The following CMSS1 variants were observed in gnomAD, a reference collection of about 807,000 sequenced individuals.
CMSS1 encodes the protein protein CMSS1.
A neutral mutation model predicts 43.5 loss-of-function variants in CMSS1; 33 were observed. The observed-to-expected ratio is 0.76, with a 90% CI of 0.57 to 1.01. The LOEUF is 1.01. Among genes scored for constraint, CMSS1 ranks in the 50% least tolerant of loss-of-function variants. The pLI, the probability that CMSS1 is intolerant of heterozygous loss-of-function variation, is 0.00. For synonymous variants in CMSS1, 115 were observed against 117.2 expected, an observed-to-expected ratio of 0.98 and a Z score of 0.12; for missense variants, 313 against 326.4, an observed-to-expected ratio of 0.96 and a Z score of 0.32.
intron 9 of CMSS1, among the ~76,000 whole-genome samples, chr3:100,176,778 G>A (rs189809124): frequency 4.9e-4 from 75 of 152,198 alleles, no homozygotes; most frequent in African/African-American, 1.5e-3. Flanking sequence ...CTTTTGGCTC[G>A]GGTTAGGGGA....
intron 1 of CMSS1, among the ~76,000 whole-genome samples, chr3:100,025,017 C>T (rs887103482): frequency 6.6e-6 from 1 of 152,174 alleles, no homozygotes; most frequent in Non-Finnish European, 1.5e-5. Flanking sequence ...TTGATGCTTA[C>T]TTTACCCATA....
At chr3:100,048,711 G>T (rs1014995362) in intron 1 of CMSS1, among the ~76,000 whole-genome samples, 13 of 152,134 alleles carry the variant, frequency 8.5e-5, no homozygotes, top group Non-Finnish European at 1.9e-4. Flanking sequence ...TCAAGTCCAG[G>T]TGGGTTTTAT....
intron 1 of CMSS1, among the ~76,000 whole-genome samples, chr3:99,887,194 G>A (rs187569240): frequency 6.6e-6 from 1 of 152,062 alleles, no homozygotes; most frequent in African/African-American, 2.4e-5. Flanking sequence ...TTGAACCCAG[G>A]AGGAGGAGGT....
rs898751576 is a variant in CMSS1 at position 99,862,168 on chromosome 3, A to G, written c.64+44125A>G. On this transcript the variant is annotated intron_variant, in intron 1 of 9. Transcript: ENST00000421999. Reference sequence around the variant, plus strand: ...GCCATTCCACAATATCTAGATATATAAAAACATCATGTTATAGGCCCTAAA... The same window carrying G: ...GCCATTCCACAATATCTAGATATATGAAAACATCATGTTATAGGCCCTAAA... Among the ~76,000 whole-genome samples, 7 of 152,316 alleles carry G rather than the reference A, an allele frequency of 4.6e-5. No homozygotes were observed. The South Asian group carries it at 6.2e-4, about 14-fold the overall frequency.
intron 1 of CMSS1, among the ~76,000 whole-genome samples, chr3:99,831,175 G>A (rs1406224762): frequency 1.3e-5 from 2 of 152,218 alleles, no homozygotes; most frequent in Non-Finnish European, 2.9e-5. Flanking sequence ...ACAGTTAAAT[G>A]AATAGGATGT....
chr3:99,867,755 T>TGA (rs1447107478), intron 1 of CMSS1, among the ~76,000 whole-genome samples: 25 of 152,126 alleles, frequency 1.6e-4, no homozygotes, highest in Non-Finnish European at 5.9e-5. Context: ...TATAACACTG[T>TGA]ATACAAATTC....
chr3:99,911,344 A>T (rs1241829245), intron 1 of CMSS1, among the ~76,000 whole-genome samples: 2 of 149,220 alleles, frequency 1.3e-5, no homozygotes, highest in Non-Finnish European at 3.0e-5. Flanking sequence ...ATATGTTATT[A>T]TAACAAAATA....
chr3:99,939,625 T>C (rs1049960736), intron 1 of CMSS1, among the ~76,000 whole-genome samples: 1 of 152,180 alleles, frequency 6.6e-6, no homozygotes, highest in African/African-American at 2.4e-5. Flanking sequence ...CTTAGCAGCT[T>C]TTCTGATAGT....
chr3:99,955,953 C>T (rs1401019711), intron 1 of CMSS1, among the ~76,000 whole-genome samples: 2 of 152,116 alleles, frequency 1.3e-5, no homozygotes, highest in African/African-American at 4.8e-5. Flanking sequence ...ATTGTTATGA[C>T]GTATTTACTT....
Position 99,946,204 on chromosome 3 carries a change from T to A in CMSS1, c.64+128161T>A, listed in dbSNP as rs372256116. On this transcript the variant is annotated intron_variant, in intron 1 of 9. Coordinates refer to ENST00000421999, the MANE Select transcript of CMSS1 (RefSeq NM_032359.4). The stretch of plus-strand genomic sequence containing the variant: ...CATTTTAAAAAATTGGGTATGTCTA[T>A]TACATCTTCAGAATAGCCCTGGATA... Among the ~76,000 whole-genome samples the A allele has an allele frequency of 7.2e-5, 11 of 152,330 alleles. No individual in the cohort carries two copies. In the East Asian group the frequency reaches 9.6e-4, roughly 13 times the overall value.
intron 1 of CMSS1, among the ~76,000 whole-genome samples, chr3:99,890,574 G>A (rs1397241667): frequency 1.3e-5 from 2 of 151,934 alleles, no homozygotes; most frequent in African/African-American, 4.8e-5. Context: ...ACTATATTCT[G>A]TGCAATTTCT....
chr3:99,858,087 A>G (rs181518517), intron 1 of CMSS1, among the ~76,000 whole-genome samples: 6 of 152,254 alleles, frequency 3.9e-5, no homozygotes, highest in African/African-American at 1.4e-4. Flanking sequence ...ACACTCAAAA[A>G]ATTTTGAGGA....
intron 6 of CMSS1, among the ~76,000 whole-genome samples, chr3:100,171,060 C>T (rs529541380): frequency 6.4e-4 from 97 of 152,264 alleles, no homozygotes; most frequent in African/African-American, 2.1e-3. Flanking sequence ...GACCCCTTTA[C>T]GGGGGGCATC....
In CMSS1 at chr3:100,034,511, G is replaced by A. The variant is rs552795238; in HGVS notation, c.65-112462G>A. On this transcript the variant is annotated intron_variant, in intron 1 of 9. Coordinates refer to ENST00000421999, the MANE Select transcript of CMSS1 (RefSeq NM_032359.4). The stretch of plus-strand genomic sequence containing the variant: ...CCACTTCGTTCCAGTAATCCAAAAG[G>A]TTCTTTGTGTTGCCTAAATAATAGA... 2.6e-5 allele frequency among the ~76,000 whole-genome samples: 4 copies of A among 152,286 alleles called. No individual in the cohort carries two copies. The East Asian group carries it at 5.8e-4, about 22-fold the overall frequency.
At chr3:100,111,038 A>C (rs2066482138) in intron 1 of CMSS1, among the ~76,000 whole-genome samples, 1 of 152,168 alleles carries the variant, frequency 6.6e-6, no homozygotes, top group Non-Finnish European at 1.5e-5. Flanking sequence ...CAATAATAGG[A>C]GTCAATTCAG....
chr3:99,942,657 C>A (rs1707884906), intron 1 of CMSS1, among the ~76,000 whole-genome samples: 1 of 151,960 alleles, frequency 6.6e-6, no homozygotes, highest in African/African-American at 2.4e-5. Flanking sequence ...CATGGTGAAA[C>A]CCCGTCTCTA....
At chr3:99,983,416 ATATG>A (rs1240242590) in intron 1 of CMSS1, among the ~76,000 whole-genome samples, 13 of 96,950 alleles carry the variant, frequency 1.3e-4, no homozygotes, top group African/African-American at 2.6e-4. Context: ...ATATATATAT[ATATG>A]TATGTATGTA....
At chr3:99,893,603 CAT>C (rs1706161191) in intron 1 of CMSS1, among the ~76,000 whole-genome samples, 1 of 152,142 alleles carries the variant, frequency 6.6e-6, no homozygotes, top group Admixed American at 6.5e-5. Context: ...TTTTTACTAT[CAT>C]GTAGGTATCT....
At chr3:100,115,627 C>CTT (rs2066558942) in intron 1 of CMSS1, among the ~76,000 whole-genome samples, 2 of 96,066 alleles carry the variant, frequency 2.1e-5, no homozygotes, top group Non-Finnish European at 4.5e-5. Flanking sequence ...CTCTCTCTCT[C>CTT]TGTCTCTCTC....
Sources: gnomAD v4.1 joint callset for allele counts (sites outside exome capture counted in the v4.1 genomes callset) on GRCh38, gnomAD v4.1.1 for gene constraint, MANE v1.5 for transcripts, NCBI Gene and HGNC (gene_info 2026-07-23, HGNC 2026-07-21) for gene names.